Variants in VDR observed in about 807,000 individuals in gnomAD.
VDR encodes vitamin D receptor.
Under a neutral mutation model 39.7 loss-of-function variants are expected in VDR, and 19 were observed. That is an observed-to-expected ratio of 0.48 (90% confidence interval 0.33 to 0.70). The LOEUF is 0.70. Ranked by LOEUF, VDR falls within the 30% of genes least tolerant of loss-of-function variation. VDR has a pLI of 0.02. For synonymous variants in VDR, 242 were observed against 215.8 expected, an observed-to-expected ratio of 1.12 and a Z score of -1.07; for missense variants, 442 against 570.5, an observed-to-expected ratio of 0.77 and a Z score of 2.29.
Position 47,859,923 on chromosome 12 carries a change from T to TTCTTTCTTTCTTTC in VDR, c.278-2236_278-2235insGAAAGAAAGAAAGA, listed in dbSNP as rs1555151337. Among the ~76,000 whole-genome samples, 28 of 50,958 alleles carry TTCTTTCTTTCTTTC rather than the reference T, an allele frequency of 5.5e-4. 2 individuals carry two copies. The highest frequency in any genetic ancestry group is 1.4e-3 in the East Asian group (3 of 2,118). The allele number at this position is 50,958 out of a possible 152,430, so 33.4% of individuals were successfully genotyped here. Reference sequence around the variant, plus strand: ...CTTCCTTCCTTCCTTCCTTCTTTCTTTTTCTTTCTTTCTTTCTTTCTTTCT... The same window carrying TTCTTTCTTTCTTTC: ...CTTCCTTCCTTCCTTCCTTCTTTCTTTCTTTCTTTCTTTCTTTCTTTCTTTCTTTCTTTCTTTCT... On this transcript the variant is annotated intron_variant, in intron 4 of 9. Transcript: ENST00000549336.
intron 1 of VDR, among the ~76,000 whole-genome samples, chr12:47,894,215 C>A (rs912070365): frequency 1.3e-5 from 2 of 152,222 alleles, no homozygotes; most frequent in African/African-American, 4.8e-5. Flanking sequence ...AGAGGAGCAA[C>A]TTCTTTCCCT....
At chr12:47,900,683 G>A (rs1381280147) in intron 1 of VDR, among the ~76,000 whole-genome samples, 1 of 152,174 alleles carries the variant, frequency 6.6e-6, no homozygotes, top group Non-Finnish European at 1.5e-5. Flanking sequence ...CACTGGATGT[G>A]TCACCAGCAA....
At chr12:47,901,760 C>T (rs1025349664) in intron 1 of VDR, among the ~76,000 whole-genome samples, 3 of 152,192 alleles carry the variant, frequency 2.0e-5, no homozygotes, top group Non-Finnish European at 4.4e-5. Context: ...CCAGTCTTGG[C>T]TCCACTATGA....
At chr12:47,895,841 C>T (rs112892098) in intron 1 of VDR, among the ~76,000 whole-genome samples, 5,336 of 152,322 alleles carry the variant, frequency 0.035, 130 homozygotes, top group African/African-American at 0.063. Flanking sequence ...AAGCTCCTGC[C>T]GGAAGCCTGC....
chr12:47,860,650 A>G lies in VDR; in HGVS notation c.278-2962T>C, dbSNP rs1945609477. The stretch of plus-strand genomic sequence containing the variant: ...TTGCAGGACAAGGTTACAGCCTCAG[A>G]GTTGTCAGAGGCTGTCTGCCCCGCA... On this transcript the variant is annotated intron_variant, in intron 4 of 9. Coordinates refer to ENST00000549336, the MANE Select transcript of VDR (RefSeq NM_000376.3). Among the ~76,000 whole-genome samples the G allele has an allele frequency of 2.6e-5, 4 of 152,166 alleles. No individual in the cohort carries two copies. The South Asian group carries it at 8.3e-4, about 32-fold the overall frequency.
intron 3 of VDR, among the ~76,000 whole-genome samples, chr12:47,865,657 C>G (rs1046395856): frequency 2.0e-5 from 3 of 151,150 alleles, no homozygotes; most frequent in Non-Finnish European, 4.4e-5. Context: ...AAGCAATCCT[C>G]TATCCTAGGC....
chr12:47,852,816 C>T (rs1326204847), intron 7 of VDR, among the ~76,000 whole-genome samples: 1 of 152,162 alleles, frequency 6.6e-6, no homozygotes, highest in Admixed American at 6.5e-5. Context: ...TTCTACACAG[C>T]TAAGAGGGCC....
intron 1 of VDR, among the ~76,000 whole-genome samples, chr12:47,886,351 T>A (rs7965266): frequency 0.69 from 105,220 of 152,138 alleles, 37,414 homozygotes; most frequent in African/African-American, 0.86. Context: ...ACTTTTTGTC[T>A]TCTCTTTATT....
At chr12:47,849,371 A>C (rs990746347) in intron 7 of VDR, among the ~76,000 whole-genome samples, 3 of 152,198 alleles carry the variant, frequency 2.0e-5, no homozygotes, top group African/African-American at 7.2e-5. Context: ...TAACCTCTGC[A>C]GGACTCTCCT....
At chr12:47,901,147 C>A (rs1171682899) in intron 1 of VDR, 1 of 155,114 alleles carries the variant, frequency 6.4e-6, no homozygotes, top group Admixed American at 6.5e-5. Flanking sequence ...CCCAAGAGAT[C>A]TTCACTTGCA....
chr12:47,903,352 G>A (rs1218526516), intron 1 of VDR, among the ~76,000 whole-genome samples: 2 of 152,226 alleles, frequency 1.3e-5, no homozygotes, highest in Non-Finnish European at 2.9e-5. Context: ...AGGCTGCTGA[G>A]TGGGGGCCAC....
At chr12:47,898,316 A>G (rs556134384) in intron 1 of VDR, 14 of 152,156 alleles carry the variant, frequency 9.2e-5, no homozygotes, top group Non-Finnish European at 1.5e-4. Flanking sequence ...AACTGTAGAA[A>G]CTCATCTAAT....
intron 7 of VDR, among the ~76,000 whole-genome samples, chr12:47,853,935 A>G (rs979989173): frequency 1.3e-5 from 2 of 152,186 alleles, no homozygotes; most frequent in Admixed American, 6.5e-5. Context: ...AAGAAAAAAA[A>G]AATTAACACT....
intron 3 of VDR, among the ~76,000 whole-genome samples, chr12:47,874,781 T>G (rs1223052604): frequency 6.6e-6 from 1 of 152,204 alleles, no homozygotes; most frequent in Admixed American, 6.5e-5. Context: ...CTCTGTCCAT[T>G]ACACCTTTTC....
chr12:47,901,730 G>C (rs1162842450), intron 1 of VDR, among the ~76,000 whole-genome samples: 2 of 152,246 alleles, frequency 1.3e-5, no homozygotes, highest in Admixed American at 6.5e-5. Flanking sequence ...TGGAGGAAGA[G>C]GGAAGAGGAA....
At chr12:47,888,150 G>A (rs1170259154) in intron 1 of VDR, among the ~76,000 whole-genome samples, 1 of 152,144 alleles carries the variant, frequency 6.6e-6, no homozygotes, top group Non-Finnish European at 1.5e-5. Context: ...AGAAGCAAAA[G>A]TGGAAACCCC....
intron 7 of VDR, among the ~76,000 whole-genome samples, chr12:47,850,887 C>G (rs1015388839): frequency 1.3e-5 from 2 of 151,694 alleles, no homozygotes; most frequent in African/African-American, 4.8e-5. Flanking sequence ...CGCATTCCCA[C>G]GGTACCTCCA....
intron 3 of VDR, among the ~76,000 whole-genome samples, chr12:47,869,665 T>C (rs937771458): frequency 6.8e-6 from 1 of 147,922 alleles, no homozygotes; most frequent in African/African-American, 2.5e-5. Context: ...GAGGCTGAGG[T>C]GGGCAGATAG....
intron 3 of VDR, among the ~76,000 whole-genome samples, chr12:47,871,292 C>CTCTTTCTTTCTTTTTCTT (rs1945855770): frequency 1.3e-5 from 1 of 79,854 alleles, no homozygotes; most frequent in South Asian, 5.3e-4. Flanking sequence ...CTTTCTCTTT[C>CTCTTTCTTTCTTTTTCTT]TCTTTCTTTC....
Sources: gnomAD v4.1 joint callset for allele counts (sites outside exome capture counted in the v4.1 genomes callset) on GRCh38, gnomAD v4.1.1 for gene constraint, MANE v1.5 for transcripts, NCBI Gene and HGNC (gene_info 2026-07-23, HGNC 2026-07-21) for gene names.